Variants in MCTP1 observed in about 807,000 individuals in gnomAD.
The protein encoded by MCTP1 is multiple C2 and transmembrane domain-containing protein 1.
MCTP1 carries 69 observed loss-of-function variants against 120.6 expected under a neutral mutation model. That is an observed-to-expected ratio of 0.57 (90% CI 0.47 to 0.70). The LOEUF (loss-of-function observed/expected upper bound fraction) is 0.70, where lower values mean the gene tolerates loss of function less well. MCTP1 is among the 30% of genes least tolerant of loss of function. MCTP1 has a pLI of 0.00. For missense variants in MCTP1, 1,203 were observed against 1,248.8 expected (o/e 0.96, Z 0.55); for synonymous variants, 529 against 493.1 (o/e 1.07, Z -0.96).
At chr5:95,245,742 C>T (rs1396843890) in intron 1 of MCTP1, among the ~76,000 whole-genome samples, 2 of 152,116 alleles carry the variant, frequency 1.3e-5, no homozygotes, top group African/African-American at 4.8e-5. Flanking sequence ...TGGAACCAAG[C>T]TAGAAAACGC....
chr5:94,927,234 G>T (rs138676832), intron 6 of MCTP1, among the ~76,000 whole-genome samples: 89 of 152,154 alleles, frequency 5.8e-4, no homozygotes, highest in Non-Finnish European at 9.6e-4. Context: ...CAGGACTTTG[G>T]TTAGGTGGGG....
At chr5:94,835,306 T>C (rs1789487773) in intron 17 of MCTP1, among the ~76,000 whole-genome samples, 2 of 152,226 alleles carry the variant, frequency 1.3e-5, no homozygotes, top group African/African-American at 4.8e-5. Context: ...ACCCTTTTCT[T>C]GCATTTTCTT....
intron 17 of MCTP1, among the ~76,000 whole-genome samples, chr5:94,855,424 A>G (rs1443839295): frequency 1.3e-5 from 2 of 151,772 alleles, no homozygotes; most frequent in African/African-American, 4.8e-5. Context: ...ATACAGCTCA[A>G]TTTGCAGGTG....
At chr5:95,266,234 G>A (rs1758871858) in intron 1 of MCTP1, among the ~76,000 whole-genome samples, 1 of 152,170 alleles carries the variant, frequency 6.6e-6, no homozygotes, top group South Asian at 2.1e-4. Flanking sequence ...AAATTTCAGA[G>A]ACTCAAGTTT....
intron 1 of MCTP1, among the ~76,000 whole-genome samples, chr5:95,255,974 T>C (rs1458854887): frequency 6.6e-6 from 1 of 152,150 alleles, no homozygotes; most frequent in African/African-American, 2.4e-5. Context: ...CATTCATGCC[T>C]AAACAGAAGC....
intron 6 of MCTP1, chr5:94,930,704 G>A (rs1814450365): frequency 6.6e-6 from 1 of 152,088 alleles, no homozygotes; most frequent in African/African-American, 2.4e-5. Flanking sequence ...GTTACATATT[G>A]ATGGGTTGTC....
intron 1 of MCTP1, among the ~76,000 whole-genome samples, chr5:95,217,125 CTT>C (rs1305689635): frequency 6.6e-6 from 1 of 152,180 alleles, no homozygotes; most frequent in Non-Finnish European, 1.5e-5. Flanking sequence ...TACTGATACT[CTT>C]TGAAAACTTT....
intron 1 of MCTP1, among the ~76,000 whole-genome samples, chr5:95,132,270 TG>T (rs147964896): frequency 8.4e-4 from 128 of 152,366 alleles, no homozygotes; most frequent in African/African-American, 2.5e-3. Context: ...GACAGTGTTT[TG>T]TTTTGCCAGC....
chr5:95,276,652 T>C (rs1040865755), intron 1 of MCTP1, among the ~76,000 whole-genome samples: 7 of 148,060 alleles, frequency 4.7e-5, no homozygotes, highest in African/African-American at 1.7e-4. Context: ...AAGTGCTAGG[T>C]ACAAAAAACA....
At position 94,752,108 on chromosome 5, in the gene MCTP1, A is replaced by AATATATATATATATATATATATATAT. The variant is rs146434254; in HGVS notation, c.2610+26976_2610+27001dup. On this transcript the variant is annotated intron_variant, in intron 19 of 22. Transcript: ENST00000515393. Reference sequence around the variant, plus strand: ...ATGTACCCTAAAACTTAAATAATAAAATATATATATATATATATATATATA... The same window carrying AATATATATATATATATATATATATAT: ...ATGTACCCTAAAACTTAAATAATAAAATATATATATATATATATATATATATATATATATATATATATATATATATA... Among the ~76,000 whole-genome samples, 126 of 75,740 alleles carry AATATATATATATATATATATATATAT rather than the reference A, an allele frequency of 1.7e-3. 5 individuals carry two copies. The highest frequency in any genetic ancestry group is 2.3e-3 in the Non-Finnish European group (73 of 31,886). 49.7% of individuals were successfully genotyped at this position (75,740 alleles called of 152,430 possible).
chr5:94,716,729 A>G (rs903324772), intron 19 of MCTP1, among the ~76,000 whole-genome samples: 4 of 151,752 alleles, frequency 2.6e-5, no homozygotes, highest in Non-Finnish European at 4.4e-5. Flanking sequence ...AAACCTCAGC[A>G]GGAAATTTAC....
intron 1 of MCTP1, among the ~76,000 whole-genome samples, chr5:95,279,001 C>A (rs1241865745): frequency 6.6e-6 from 1 of 151,352 alleles, no homozygotes; most frequent in East Asian, 1.9e-4. Context: ...TTACCTAATG[C>A]AGATGCCTGC....
At chr5:95,125,365 AC>A (rs2152415468) in intron 1 of MCTP1, among the ~76,000 whole-genome samples, 1 of 152,330 alleles carries the variant, frequency 6.6e-6, no homozygotes, top group Admixed American at 6.5e-5. Context: ...CAATATAATC[AC>A]AATCTAATGT....
At chr5:94,848,931 G>A (rs904976031) in intron 17 of MCTP1, among the ~76,000 whole-genome samples, 8 of 151,660 alleles carry the variant, frequency 5.3e-5, no homozygotes, top group African/African-American at 1.9e-4. Context: ...CTAACAATTT[G>A]AAATATGTTG....
intron 12 of MCTP1, among the ~76,000 whole-genome samples, chr5:94,874,560 G>A (rs929417041): frequency 7.2e-5 from 11 of 151,992 alleles, no homozygotes; most frequent in African/African-American, 2.7e-4. Flanking sequence ...TTGGGTCTTG[G>A]GAACAATTTT....
chr5:95,052,973 C>T (rs775143042), intron 1 of MCTP1, among the ~76,000 whole-genome samples: 1 of 152,000 alleles, frequency 6.6e-6, no homozygotes, highest in Non-Finnish European at 1.5e-5. Flanking sequence ...CACTTTATAC[C>T]CCTTTACCTT....
At chr5:95,081,311 T>C in intron 1 of MCTP1, 1 of 784,434 alleles carries the variant, frequency 1.3e-6, no homozygotes, top group Non-Finnish European at 2.0e-6. Context: ...GAATCTCAAA[T>C]GCAACCTTCA....
Position 94,705,399 on chromosome 5 carries a change from A to G in MCTP1, c.*2097T>C, listed in dbSNP as rs1310848779. ...CCAGAGGTATTTTCATATAAGAGTC[A>G]GAGTTTCAGGAAAAAGGTCTTATTT... On this transcript the variant is annotated 3_prime_UTR_variant, in exon 23 of 23. Coordinates refer to ENST00000515393, the MANE Select transcript of MCTP1 (RefSeq NM_024717.7). 14 of 148,812 alleles carry G rather than the reference A, an allele frequency of 9.4e-5. No homozygotes were observed. The highest frequency in any genetic ancestry group is 9.3e-4 in the Admixed American group (14 of 15,054). The allele number at this position is 148,812 out of a possible 1,614,324, so 9.2% of individuals were successfully genotyped here. A position where few individuals can be genotyped will look rare whatever the true frequency, so the allele number is the denominator to read the frequency against.
At chr5:94,911,813 A>G (rs1808664954) in intron 9 of MCTP1, among the ~76,000 whole-genome samples, 1 of 152,294 alleles carries the variant, frequency 6.6e-6, no homozygotes, top group South Asian at 2.1e-4. Context: ...TACTACTATA[A>G]TTGATACTAT....
Sources: gnomAD v4.1 joint callset for allele counts (sites outside exome capture counted in the v4.1 genomes callset) on GRCh38, gnomAD v4.1.1 for gene constraint, MANE v1.5 for transcripts, NCBI Gene and HGNC (gene_info 2026-07-23, HGNC 2026-07-21) for gene names.